The following HLCS variants were observed in gnomAD, a reference collection of about 807,000 sequenced individuals.
HLCS encodes the protein biotin--protein ligase.
Under a neutral mutation model 75.0 loss-of-function variants are expected in HLCS, and 53 were observed. The observed-to-expected ratio is 0.71, with a 90% CI of 0.57 to 0.89. HLCS has a LOEUF of 0.89. Ranked by LOEUF, HLCS falls within the 40% of genes least tolerant of loss-of-function variation. HLCS has a pLI of 0.00. For missense variants in HLCS, 966 were observed against 1,074.0 expected, an observed-to-expected ratio of 0.90 and a Z score of 1.41; for synonymous variants, 431 against 428.6, an observed-to-expected ratio of 1.01 and a Z score of -0.07.
intron 1 of HLCS, 98 bp downstream of exon 1, chr21:36,966,346 G>T: frequency 1.9e-6 from 1 of 533,388 alleles, no homozygotes. Context: ...CCACTCCGGG[G>T]CTCCCGAACT....
intron 9 of HLCS, 108 bp from the exon 10 acceptor site, chr21:36,756,863 T>G: frequency 6.3e-7 from 1 of 1,582,296 alleles, no homozygotes; most frequent in Non-Finnish European, 8.6e-7. Flanking sequence ...CCTCCTTCCT[T>G]GTCCTCATTT....
chr21:36,937,258 T>C lies in HLCS; in HGVS notation c.628A>G (p.Arg210Gly). ...TCACCAAGAGCCTTTGGGTCATCTC[T>C]GCCAACATGCTCCATACCGTCCTGC... ...PEQDGMEHVG[R>G]DDPKALGEEP... is the part of the protein sequence containing the mutation. Residue 210 changes from arginine (R) to glycine (G), a missense_variant, in exon 4 of 11, where the codon AGA becomes GGA. By Grantham distance (125) the Arg-to-Gly change is moderately radical. Coordinates refer to ENST00000674895, the MANE Select transcript of HLCS (RefSeq NM_001352514.2). 1 of 1,614,056 alleles carries C rather than the reference T, an allele frequency of 6.2e-7. No individual in the cohort carries two copies. Among genetic ancestry groups the C allele is most frequent in the Non-Finnish European group, 8.5e-7 (1 of 1,179,944 alleles).
chr21:36,756,809 C>T (rs2089621530), intron 9 of HLCS, 54 bp from the exon 10 acceptor site: 4 of 1,612,230 alleles, frequency 2.5e-6, no homozygotes, highest in Admixed American at 1.7e-5. Context: ...ATCACACATT[C>T]CTCTCTGCCA....
At chr21:36,970,037 C>G (rs2068744048), upstream of HLCS, among the ~76,000 whole-genome samples, 1 of 152,206 alleles carries the variant, frequency 6.6e-6, no homozygotes, top group Admixed American at 6.5e-5. Flanking sequence ...GTTTCTTGCC[C>G]TTAGGAAGGC....
intron 6 of HLCS, among the ~76,000 whole-genome samples, chr21:36,810,489 T>C (rs1222059554): frequency 1.3e-5 from 2 of 152,238 alleles, no homozygotes; most frequent in East Asian, 3.8e-4. Flanking sequence ...GCTTACTTGG[T>C]GCAGCTCAAG....
At chr21:36,784,873 A>G (rs1240066401) in intron 6 of HLCS, among the ~76,000 whole-genome samples, 1 of 152,130 alleles carries the variant, frequency 6.6e-6, no homozygotes, top group Non-Finnish European at 1.5e-5. Context: ...TCTGCTTCAA[A>G]TACTTCATTT....
chr21:36,936,071 TAAAG>T (rs2066866069), intron 4 of HLCS, among the ~76,000 whole-genome samples: 1 of 152,182 alleles, frequency 6.6e-6, no homozygotes, highest in South Asian at 2.1e-4. Flanking sequence ...CTACCTTAAA[TAAAG>T]ACTCAATTAT....
At chr21:36,903,445 A>C (rs1371282284) in intron 5 of HLCS, among the ~76,000 whole-genome samples, 4 of 152,230 alleles carry the variant, frequency 2.6e-5, no homozygotes, top group African/African-American at 4.8e-5. Flanking sequence ...AGGTCACCAC[A>C]CAGGCTAGAG....
chr21:36,931,923 TTC>T (rs2066662902), intron 4 of HLCS, among the ~76,000 whole-genome samples: 2 of 152,126 alleles, frequency 1.3e-5, no homozygotes, highest in South Asian at 4.1e-4. Flanking sequence ...TGCACGGGTT[TTC>T]TCTGTTTCTC....
At chr21:36,855,890 T>A (rs1316970387) in intron 6 of HLCS, among the ~76,000 whole-genome samples, 4 of 152,152 alleles carry the variant, frequency 2.6e-5, no homozygotes, top group Non-Finnish European at 5.9e-5. Flanking sequence ...AAATATTTGT[T>A]ATAAAAAGAG....
At chr21:36,855,473 G>A (rs1022510233) in intron 6 of HLCS, among the ~76,000 whole-genome samples, 11 of 148,988 alleles carry the variant, frequency 7.4e-5, no homozygotes, top group African/African-American at 2.7e-4. Flanking sequence ...GGGAGATGGA[G>A]GTTGCAGTGA....
intron 1 of HLCS, among the ~76,000 whole-genome samples, chr21:36,963,345 T>A (rs1234575506): frequency 6.6e-6 from 1 of 152,218 alleles, no homozygotes; most frequent in Non-Finnish European, 1.5e-5. Context: ...CAGGCTCCAC[T>A]GTGCTGCATA....
intron 6 of HLCS, among the ~76,000 whole-genome samples, chr21:36,830,328 C>A (rs1330702205): frequency 6.6e-6 from 1 of 152,230 alleles, no homozygotes; most frequent in Non-Finnish European, 1.5e-5. Flanking sequence ...CAAGATAACA[C>A]ACAGAGTAAC....
chr21:36,849,097 T>C (rs2062896408), intron 6 of HLCS, among the ~76,000 whole-genome samples: 1 of 152,212 alleles, frequency 6.6e-6, no homozygotes, highest in African/African-American at 2.4e-5. Context: ...AACGCATATA[T>C]TGATATAACA....
intron 1 of HLCS, among the ~76,000 whole-genome samples, chr21:36,973,088 A>G (rs901523628): frequency 1.3e-5 from 2 of 151,958 alleles, no homozygotes; most frequent in Admixed American, 6.6e-5. Context: ...AAATTAGCCA[A>G]GCATGGTGGT....
intron 8 of HLCS, among the ~76,000 whole-genome samples, chr21:36,762,431 T>G (rs1219300824): frequency 6.6e-6 from 1 of 151,884 alleles, no homozygotes; most frequent in Non-Finnish European, 1.5e-5. Flanking sequence ...GGAGTGAGAA[T>G]GGGCGGCCCA....
intron 6 of HLCS, among the ~76,000 whole-genome samples, chr21:36,870,228 G>A (rs1418979228): frequency 3.9e-5 from 6 of 152,034 alleles, no homozygotes; most frequent in Non-Finnish European, 8.8e-5. Flanking sequence ...CTACCCCTCT[G>A]AGAAGCTGCG....
chr21:36,953,979 CA>C (rs142778062), intron 2 of HLCS, among the ~76,000 whole-genome samples: 1,528 of 152,260 alleles, frequency 0.01, 31 homozygotes, highest in African/African-American at 0.034. Context: ...CCGGTGTACA[CA>C]AACCTACTGG....
chr21:36,801,585 G>C (rs1434103408), intron 6 of HLCS, among the ~76,000 whole-genome samples: 1 of 152,212 alleles, frequency 6.6e-6, no homozygotes, highest in Non-Finnish European at 1.5e-5. Flanking sequence ...CTGGTGCACA[G>C]TAAGTACTTA....
Sources: allele counts gnomAD v4.1 joint callset (sites outside exome capture counted in the v4.1 genomes callset), GRCh38; gene constraint gnomAD v4.1.1; transcripts MANE v1.5; gene names NCBI Gene and HGNC (gene_info 2026-07-23, HGNC 2026-07-21).